Variants in DACH2 observed in about 807,000 individuals in gnomAD.
DACH2 encodes the protein dachshund family transcription factor 2, also known as dachshund homolog 2.
DACH2 carries 17 observed loss-of-function variants against 35.8 expected under a neutral mutation model. The observed-to-expected ratio is 0.48, with a 90% CI of 0.33 to 0.71. The LOEUF (loss-of-function observed/expected upper bound fraction) is 0.71. Ranked by LOEUF, DACH2 falls within the 30% of genes least tolerant of loss-of-function variation. The probability of loss-of-function intolerance (pLI) is 0.02; values close to 1 mark genes in which losing one functional copy is unlikely to be tolerated. For synonymous variants in DACH2, 195 were observed against 177.3 expected, an observed-to-expected ratio of 1.10 and a Z score of -0.79; for missense variants, 469 against 472.7, an observed-to-expected ratio of 0.99 and a Z score of 0.07.
At chrX:86,830,987 T>G (rs1273320929) in intron 11 of DACH2, 1 of 111,297 alleles carries the variant, frequency 9.0e-6, no homozygotes, top group African/African-American at 3.3e-5. Context: ...TTCCATGGGC[T>G]TCTTGGGAAA....
At chrX:86,719,665 C>T (rs1482015024) in intron 6 of DACH2, among the ~76,000 whole-genome samples, 1 of 111,136 alleles carries the variant, frequency 9.0e-6, no homozygotes, top group Admixed American at 9.6e-5. Flanking sequence ...GGGGAAATGC[C>T]AGACATTTAT....
chrX:86,695,437 G>A (rs1290583821), intron 5 of DACH2, among the ~76,000 whole-genome samples: 1 of 109,738 alleles, frequency 9.1e-6, no homozygotes, highest in Non-Finnish European at 1.9e-5. Flanking sequence ...AGGTACATGG[G>A]AGGTTATGTA....
At chrX:86,611,960 TG>T (rs2039951128) in intron 3 of DACH2, among the ~76,000 whole-genome samples, 1 of 81,860 alleles carries the variant, frequency 1.2e-5, no homozygotes, top group Non-Finnish European at 2.7e-5. Context: ...GTTGTTCCTG[TG>T]TGTGTGTGTG....
rs902350808 is a variant in DACH2 at position 86,701,091 on chromosome X, A to G, written c.931+5912A>G. 3.6e-5 allele frequency among the ~76,000 whole-genome samples: 4 copies of G among 111,675 alleles called. No homozygotes were observed. The South Asian group carries it at 1.5e-3, about 42-fold the overall frequency. Reference sequence around the variant, plus strand: ...AAAGTTCAGGACAATATCCTTGATGAACACAGTTGGAAAAATCTTCAAGAA... The same window carrying G: ...AAAGTTCAGGACAATATCCTTGATGGACACAGTTGGAAAAATCTTCAAGAA... On this transcript the variant is annotated intron_variant, in intron 5 of 11. Coordinates refer to ENST00000373125, the MANE Select transcript of DACH2 (RefSeq NM_053281.3).
intron 1 of DACH2, among the ~76,000 whole-genome samples, chrX:86,336,616 G>T (rs1296533983): frequency 9.0e-6 from 1 of 111,686 alleles, no homozygotes; most frequent in Non-Finnish European, 1.9e-5. Flanking sequence ...TGAAGATGGG[G>T]AGAAACAAGT....
At chrX:86,637,943 C>T (rs191465232) in intron 3 of DACH2, among the ~76,000 whole-genome samples, 16 of 111,808 alleles carry the variant, frequency 1.4e-4, no homozygotes, top group African/African-American at 4.6e-4. Flanking sequence ...AAAAAGGAGC[C>T]TGAATAGCCA....
At chrX:86,274,125 C>G (rs2033863074) in intron 1 of DACH2, among the ~76,000 whole-genome samples, 1 of 62,824 alleles carries the variant, frequency 1.6e-5, no homozygotes, top group Non-Finnish European at 2.7e-5. Context: ...TGAAGGTCAA[C>G]AGCCCCTTAG....
intron 3 of DACH2, among the ~76,000 whole-genome samples, chrX:86,547,366 C>A: frequency 9.0e-6 from 1 of 111,604 alleles, no homozygotes; most frequent in Admixed American, 9.5e-5. Context: ...ATAAATTTTG[C>A]AAAGATCACT....
chrX:86,279,404 C>T (rs773608457), intron 1 of DACH2, among the ~76,000 whole-genome samples: 21 of 111,977 alleles, frequency 1.9e-4, no homozygotes, highest in Non-Finnish European at 3.8e-4. Flanking sequence ...CAAAGAGGGT[C>T]TGGAGAGGAC....
At chrX:86,289,538 A>G (rs1162646049) in intron 1 of DACH2, among the ~76,000 whole-genome samples, 1 of 105,619 alleles carries the variant, frequency 9.5e-6, no homozygotes, top group Non-Finnish European at 1.9e-5. Flanking sequence ...ATCATCTAGC[A>G]TTAGGTATAT....
intron 2 of DACH2, among the ~76,000 whole-genome samples, chrX:86,466,489 C>A (rs2037670724): frequency 9.0e-6 from 1 of 111,083 alleles, no homozygotes; most frequent in African/African-American, 3.3e-5. Context: ...AGGTCTCCCA[C>A]TTCAGAACCA....
At chrX:86,768,255 A>G (rs1215321871) in intron 7 of DACH2, among the ~76,000 whole-genome samples, 1 of 111,931 alleles carries the variant, frequency 8.9e-6, no homozygotes, top group African/African-American at 3.2e-5. Context: ...CAAAGTAATT[A>G]CAATTGAAAA....
At chrX:86,775,855 A>C (rs766472685) in intron 7 of DACH2, among the ~76,000 whole-genome samples, 1 of 112,067 alleles carries the variant, frequency 8.9e-6, no homozygotes, top group African/African-American at 3.2e-5. Flanking sequence ...TATGGCTCTA[A>C]GGACTTTACA....
At chrX:86,539,454 T>C (rs991356950) in intron 3 of DACH2, among the ~76,000 whole-genome samples, 1 of 111,845 alleles carries the variant, frequency 8.9e-6, no homozygotes, top group African/African-American at 3.3e-5. Context: ...TAATTGCAGA[T>C]GTGTTTTATT....
chrX:86,153,974 T>A (rs2030457213), intron 1 of DACH2, among the ~76,000 whole-genome samples: 1 of 111,734 alleles, frequency 8.9e-6, no homozygotes, highest in Non-Finnish European at 1.9e-5. Flanking sequence ...GTATAGCACA[T>A]GAATGTCAAT....
rs2030232219 is a variant in DACH2, at chrX:86,148,473, G to C, written c.-148G>C. On this transcript the variant is annotated 5_prime_UTR_variant, in exon 1 of 12. Coordinates refer to ENST00000373125, the MANE Select transcript of DACH2 (RefSeq NM_053281.3). Reference sequence around the variant, plus strand: ...CTCACTGTTTGTTGAGCTTGAGCGTGAGCCGGCTGCTGAAGACTTGCGAAC... The same window carrying C: ...CTCACTGTTTGTTGAGCTTGAGCGTCAGCCGGCTGCTGAAGACTTGCGAAC... The C allele has an allele frequency of 1.5e-6, 1 of 652,165 alleles. No individual in the cohort carries two copies. The highest frequency in any genetic ancestry group is 2.2e-6 in the Non-Finnish European group (1 of 444,932). 53.7% of individuals were successfully genotyped at this position (652,165 alleles called of 1,213,427 possible).
chrX:86,148,922 A>G lies in DACH2; in HGVS notation c.302A>G (p.His101Arg). The G allele has an allele frequency of 1.7e-6, 2 of 1,210,473 alleles. No homozygotes were observed. Among genetic ancestry groups the G allele is most frequent in the Non-Finnish European group, 2.2e-6 (2 of 895,299 alleles). The change falls in exon 1 of 12, where the codon CAC becomes CGC. Residue 101 changes from histidine to arginine, a missense_variant. Transcript: ENST00000373125. ...CAAGTCTTTGATCTTTTTCTCAAGCACCTGGTGGGAGGCTTGCACACTGTG... is the reference window on the plus strand; with the variant it reads ...CAAGTCTTTGATCTTTTTCTCAAGCGCCTGGTGGGAGGCTTGCACACTGTG... ...LPQVFDLFLK[H>R]LVGGLHTVYT...
At chrX:86,663,831 T>A (rs1485828739) in intron 4 of DACH2, among the ~76,000 whole-genome samples, 2 of 111,495 alleles carry the variant, frequency 1.8e-5, no homozygotes, top group African/African-American at 6.5e-5. Context: ...AATTGTCAAG[T>A]CTCTCTAGCT....
chrX:86,463,107 A>G (rs1163799303), intron 2 of DACH2, among the ~76,000 whole-genome samples: 5 of 111,398 alleles, frequency 4.5e-5, no homozygotes, highest in East Asian at 2.8e-4. Context: ...TAACCATAAT[A>G]TTCAATTCCA....
Sources: allele counts gnomAD v4.1 joint callset (sites outside exome capture counted in the v4.1 genomes callset), GRCh38; gene constraint gnomAD v4.1.1; transcripts MANE v1.5; gene names NCBI Gene and HGNC (gene_info 2026-07-23, HGNC 2026-07-21).